DSCAML1: variants seen among roughly 807,000 people sequenced by gnomAD.
DSCAML1 encodes the protein DS cell adhesion molecule like 1.
In DSCAML1, 38 loss-of-function variants were observed where a neutral mutation model predicts 200.5. The observed-to-expected ratio is 0.19, with a 90% confidence interval of 0.15 to 0.25. DSCAML1 has a LOEUF of 0.25. Among genes scored for constraint, DSCAML1 ranks in the 10% least tolerant of loss-of-function variants. The pLI is 1.00. For synonymous variants in DSCAML1, 1,215 were observed against 1,165.0 expected (o/e 1.04, Z -0.87); for missense variants, 2,223 against 2,858.8 (o/e 0.78, Z 5.07).
chr11:117,748,724 G>A (rs2054556081), intron 3 of DSCAML1, among the ~76,000 whole-genome samples: 1 of 152,232 alleles, frequency 6.6e-6, no homozygotes, highest in Non-Finnish European at 1.5e-5. Flanking sequence ...GCAGGAGCCT[G>A]GGTACTGCAT....
intron 2 of DSCAML1, among the ~76,000 whole-genome samples, chr11:117,779,832 T>A (rs971095564): frequency 6.6e-6 from 1 of 152,174 alleles, no homozygotes; most frequent in Admixed American, 6.5e-5. Context: ...TCAATCTCAG[T>A]GTTAGTTGAA....
chr11:117,516,446 T>A lies in DSCAML1; in HGVS notation c.1783+21A>T. On this transcript the variant is annotated intron_variant, in intron 8 of 32. Coordinates refer to ENST00000651296, the MANE Select transcript of DSCAML1 (RefSeq NM_020693.4). This position sits in a 1 kb window ranked among gnomAD's most constrained non-coding sequence, Gnocchi z 5.7. Reference sequence around the variant, plus strand: ...TGGGTGGTCAGGCGGGCAGGGGCCCTGGCTGGTGAGGGAGGCCTACCTTTG... The same window carrying A: ...TGGGTGGTCAGGCGGGCAGGGGCCCAGGCTGGTGAGGGAGGCCTACCTTTG... The A allele has an allele frequency of 6.2e-7, 1 of 1,604,152 alleles. No homozygotes were observed. The highest frequency in any genetic ancestry group is 8.5e-7 in the Non-Finnish European group (1 of 1,173,880).
rs185799331 is a variant in DSCAML1, at chr11:117,620,398, C to T, written c.512-87876G>A. Among the ~76,000 whole-genome samples the T allele has an allele frequency of 5.5e-3, 839 of 152,314 alleles. 4 individuals carry two copies. The highest frequency in any genetic ancestry group is 8.0e-3 in the Non-Finnish European group (542 of 68,034). The stretch of plus-strand genomic sequence containing the variant: ...CTCTCCTCTCTTTCTCTGTCCTCCA[C>T]ACCTCCCCTAAGATTAGATTGGATT... On this transcript the variant is annotated intron_variant, in intron 3 of 32. Coordinates refer to ENST00000651296, the MANE Select transcript of DSCAML1 (RefSeq NM_020693.4).
intron 3 of DSCAML1, among the ~76,000 whole-genome samples, chr11:117,679,333 A>G (rs973087777): frequency 2.0e-5 from 3 of 152,220 alleles, no homozygotes; most frequent in Non-Finnish European, 2.9e-5. Flanking sequence ...GCGGCTGTGC[A>G]GTCAGCAGCC....
chr11:117,700,539 G>T (rs1405041491), intron 3 of DSCAML1, among the ~76,000 whole-genome samples: 1 of 152,210 alleles, frequency 6.6e-6, no homozygotes, highest in African/African-American at 2.4e-5. Flanking sequence ...CCAGTATTGG[G>T]CCAGATGTAG....
At chr11:117,462,186 T>C (rs2048494290) in intron 17 of DSCAML1, among the ~76,000 whole-genome samples, 1 of 152,216 alleles carries the variant, frequency 6.6e-6, no homozygotes, top group Non-Finnish European at 1.5e-5. Context: ...CCTTGGGACC[T>C]CTGGGACCAT....
Position 117,516,836 on chromosome 11 carries a change from C to T in DSCAML1, c.1511-97G>A. 1 of 1,439,470 alleles carries T rather than the reference C, an allele frequency of 6.9e-7. No homozygotes were observed. Among genetic ancestry groups the T allele is most frequent in the Non-Finnish European group, 9.3e-7 (1 of 1,076,802 alleles). 89.2% of individuals were successfully genotyped at this position (1,439,470 alleles called of 1,614,324 possible). On this transcript the variant is annotated intron_variant, in intron 7 of 32. Transcript: ENST00000651296. This position sits in a 1 kb window ranked among gnomAD's most constrained non-coding sequence, Gnocchi z 5.7. ...ACCACCCTGCGGTGCTCTTCTCAGG[C>T]ACTCGGCCCCTGAGACTTTCGGGGG...
intron 3 of DSCAML1, among the ~76,000 whole-genome samples, chr11:117,601,532 GATCTGAAATTCCACT>G (rs1321018016): frequency 6.6e-6 from 1 of 152,192 alleles, no homozygotes; most frequent in African/African-American, 2.4e-5. Context: ...TATTTGCCAG[GATCTGAAATTCCACT>G]ATCCGTGTTT....
At chr11:117,452,547 C>G (rs959991879) in intron 19 of DSCAML1, among the ~76,000 whole-genome samples, 1 of 152,128 alleles carries the variant, frequency 6.6e-6, no homozygotes, top group African/African-American at 2.4e-5. Context: ...TTTCACCTAC[C>G]ATTCTGACAG....
At chr11:117,610,327 C>T (rs2051662985) in intron 3 of DSCAML1, among the ~76,000 whole-genome samples, 1 of 152,210 alleles carries the variant, frequency 6.6e-6, no homozygotes, top group South Asian at 2.1e-4. Flanking sequence ...AAACTACCCC[C>T]ACTGCCCCAT....
At chr11:117,496,755 G>T (rs528324542) in intron 11 of DSCAML1, among the ~76,000 whole-genome samples, 4 of 152,322 alleles carry the variant, frequency 2.6e-5, no homozygotes, top group South Asian at 4.1e-4. Flanking sequence ...GACCCTTAGG[G>T]ACAAGCACTT....
At chr11:117,654,422 C>A in intron 3 of DSCAML1, among the ~76,000 whole-genome samples, 1 of 152,308 alleles carries the variant, frequency 6.6e-6, no homozygotes, top group East Asian at 1.9e-4. Context: ...GAATTGGGAG[C>A]TATGCACTCA....
chr11:117,620,971 C>T (rs1175861760), intron 3 of DSCAML1, among the ~76,000 whole-genome samples: 3 of 152,200 alleles, frequency 2.0e-5, no homozygotes, highest in Non-Finnish European at 4.4e-5. Context: ...ATACTTAATA[C>T]ACGACAGTTC....
rs867327978 is a variant in DSCAML1 at position 117,503,803 on chromosome 11, G to A, written c.2359+42C>T. On this transcript the variant is annotated intron_variant, in intron 11 of 32. Transcript: ENST00000651296. The surrounding 1 kb of genome is among the most constrained non-coding windows in gnomAD (Gnocchi z 5.2). ...GAGAGTGCAGAGCCGGGGCTTGGCT[G>A]TGATTTGGGGGTGCTAGGGGGCGTG... 11 of 1,591,116 alleles carry A rather than the reference G, an allele frequency of 6.9e-6. No individual in the cohort carries two copies. In the African/African-American group the frequency reaches 1.2e-4, roughly 17 times the overall value.
chr11:117,587,250 C>T (rs1287368471), intron 3 of DSCAML1, among the ~76,000 whole-genome samples: 1 of 57,658 alleles, frequency 1.7e-5, no homozygotes, highest in South Asian at 5.8e-4. Context: ...TCGATTCTTT[C>T]CAACCCCCCC....
chr11:117,718,127 C>T (rs988043858), intron 3 of DSCAML1, among the ~76,000 whole-genome samples: 4 of 152,220 alleles, frequency 2.6e-5, no homozygotes, highest in African/African-American at 9.6e-5. Context: ...CGGAACACAG[C>T]GTAAAAATTG....
chr11:117,478,267 C>T lies in DSCAML1; in HGVS notation c.2785+2176G>A, dbSNP rs117651663. Among the ~76,000 whole-genome samples the T allele has an allele frequency of 2.7e-3, 407 of 152,246 alleles. 7 individuals carry two copies. The highest frequency in any genetic ancestry group is 0.021 in the Admixed American group (318 of 15,296). On this transcript the variant is annotated intron_variant, in intron 14 of 32. Transcript: ENST00000651296. ...GGGAGGAGGAACGGGGGGAGGGGCA[C>T]GAGCGACAGCCCAGGCATCCACCTC... is the stretch of plus-strand genomic sequence containing the variant.
intron 1 of DSCAML1, among the ~76,000 whole-genome samples, chr11:117,781,406 A>G (rs971645350): frequency 6.6e-6 from 1 of 152,170 alleles, no homozygotes; most frequent in Non-Finnish European, 1.5e-5. Flanking sequence ...ATGTGAACCC[A>G]TTGCTCCTAA....
At chr11:117,591,234 C>A (rs150624730) in intron 3 of DSCAML1, among the ~76,000 whole-genome samples, 2 of 152,010 alleles carry the variant, frequency 1.3e-5, no homozygotes, top group Non-Finnish European at 2.9e-5. Flanking sequence ...GTCTCTGGGG[C>A]GAGGAGCAGG....
Sources: allele counts gnomAD v4.1 joint callset (sites outside exome capture counted in the v4.1 genomes callset), GRCh38; gene constraint gnomAD v4.1.1; non-coding constraint Gnocchi (gnomAD v3.1); transcripts MANE v1.5; gene names NCBI Gene and HGNC (gene_info 2026-07-23, HGNC 2026-07-21).